Variants in NEDD4 observed in about 807,000 individuals in gnomAD.
The protein encoded by NEDD4 is NEDD4 E3 ubiquitin protein ligase, also known as E3 ubiquitin-protein ligase NEDD4.
Under a neutral mutation model 144.9 loss-of-function variants are expected in NEDD4, and 99 were observed. That is an observed-to-expected ratio of 0.68 (90% CI 0.58 to 0.81). The LOEUF (loss-of-function observed/expected upper bound fraction) is 0.81. NEDD4 is among the 30% of genes least tolerant of loss of function. The pLI, the probability that NEDD4 is intolerant of heterozygous loss-of-function variation, is 0.00. For missense variants in NEDD4, 985 were observed against 1,065.9 expected, an observed-to-expected ratio of 0.92 and a Z score of 1.06; for synonymous variants, 318 against 350.6, an observed-to-expected ratio of 0.91 and a Z score of 1.04.
Position 55,847,036 on chromosome 15 carries a change from T to C in NEDD4, c.1543-2A>G. 1 of 1,589,974 alleles carries C rather than the reference T, an allele frequency of 6.3e-7. No homozygotes were observed. Among genetic ancestry groups the C allele is most frequent in the Non-Finnish European group, 8.6e-7 (1 of 1,168,494 alleles). ...GTAATCCCTGGAGTAGGGCACTGCCTTTAGTTGGAAATTTTGGAAAAATAA... is the reference window on the plus strand; with the variant it reads ...GTAATCCCTGGAGTAGGGCACTGCCCTTAGTTGGAAATTTTGGAAAAATAA... On this transcript the variant is annotated splice_acceptor_variant, in intron 17 of 28. Coordinates refer to ENST00000435532, the MANE Select transcript of NEDD4 (RefSeq NM_006154.4). LOFTEE classifies it high-confidence loss of function.
At chr15:55,833,161 T>G (rs1446669430) in intron 26 of NEDD4, 57 bp from the exon 27 acceptor site, 2 of 1,063,270 alleles carry the variant, frequency 1.9e-6, no homozygotes, top group East Asian at 2.4e-5. Context: ...GTAAACAAAT[T>G]ATCCTGAAAC....
At chr15:55,843,887 A>C (rs540433156) in intron 18 of NEDD4, among the ~76,000 whole-genome samples, 30 of 133,786 alleles carry the variant, frequency 2.2e-4, no homozygotes, top group Non-Finnish European at 4.1e-4. Context: ...GAATAAAGGG[A>C]ATAAAAACAT....
At chr15:55,949,502 A>C (rs1295689205) in intron 4 of NEDD4, among the ~76,000 whole-genome samples, 1 of 152,184 alleles carries the variant, frequency 6.6e-6, no homozygotes, top group Non-Finnish European at 1.5e-5. Flanking sequence ...ACATGCATAC[A>C]TATGTTTATT....
chr15:55,891,580 G>A (rs571907579), intron 5 of NEDD4, among the ~76,000 whole-genome samples: 25 of 152,166 alleles, frequency 1.6e-4, no homozygotes, highest in Admixed American at 1.4e-3. Flanking sequence ...TTTGCATTTG[G>A]TATAATATAA....
intron 1 of NEDD4, among the ~76,000 whole-genome samples, chr15:55,969,295 G>C (rs1566972869): frequency 6.6e-6 from 1 of 152,050 alleles, no homozygotes; most frequent in Non-Finnish European, 1.5e-5. Flanking sequence ...CTAAGTTTGG[G>C]CAAGCCTTGC....
chr15:55,859,508 A>G (rs2034320129), intron 11 of NEDD4, among the ~76,000 whole-genome samples: 1 of 152,202 alleles, frequency 6.6e-6, no homozygotes, highest in African/African-American at 2.4e-5. Flanking sequence ...AGCCTGGCCA[A>G]CAGGGTGAAA....
rs763208413 is a variant in NEDD4, at chr15:55,834,220, G to A, written c.2322+7C>T. 8.1e-6 allele frequency: 13 copies of A among 1,608,080 alleles called. No homozygotes were observed. The highest frequency in any genetic ancestry group is 6.7e-5 in the East Asian group (3 of 44,842). ...TTTCTGTTTCAACATAAAATGTTATGTCTTACCTCTAGTTCATTTTCATCA... is the reference window on the plus strand; with the variant it reads ...TTTCTGTTTCAACATAAAATGTTATATCTTACCTCTAGTTCATTTTCATCA... On this transcript the variant is annotated splice_region_variant and intron_variant, in intron 25 of 28. Coordinates refer to ENST00000435532, the MANE Select transcript of NEDD4 (RefSeq NM_006154.4).
chr15:55,907,263 G>A (rs34552316), intron 5 of NEDD4, among the ~76,000 whole-genome samples: 6,670 of 152,004 alleles, frequency 0.044, 239 homozygotes, highest in East Asian at 0.17. Flanking sequence ...TGGCTAACAG[G>A]AATTCTAGGA....
At chr15:55,837,183 A>C (rs2033247559) in intron 24 of NEDD4, among the ~76,000 whole-genome samples, 1 of 152,200 alleles carries the variant, frequency 6.6e-6, no homozygotes, top group Admixed American at 6.5e-5. Context: ...TAACCCCAGC[A>C]CTTTGGGAGG....
chr15:55,911,649 C>T (rs565175805), intron 5 of NEDD4, among the ~76,000 whole-genome samples: 36 of 152,088 alleles, frequency 2.4e-4, no homozygotes, highest in Non-Finnish European at 4.4e-4. Context: ...CCTGCCTCAG[C>T]CTCCCGTGTA....
At chr15:55,845,732 A>G (rs1595740207) in intron 18 of NEDD4, among the ~76,000 whole-genome samples, 2 of 152,110 alleles carry the variant, frequency 1.3e-5, no homozygotes, top group African/African-American at 4.8e-5. Context: ...AAAATCCCAA[A>G]GTCTAGAAGT....
intron 5 of NEDD4, among the ~76,000 whole-genome samples, chr15:55,898,825 G>C (rs1595815501): frequency 1.3e-5 from 2 of 151,760 alleles, no homozygotes. Flanking sequence ...TTTTTAAATA[G>C]AGACAGGGGT....
chr15:55,982,793 A>G (rs117280067), intron 1 of NEDD4, among the ~76,000 whole-genome samples: 4,222 of 152,264 alleles, frequency 0.028, 99 homozygotes, highest in Non-Finnish European at 0.041. Flanking sequence ...AAAAACAAAA[A>G]CTGAGAAAGT....
At chr15:55,993,099 A>G (rs1161981981) in intron 1 of NEDD4, among the ~76,000 whole-genome samples, 1 of 152,266 alleles carries the variant, frequency 6.6e-6, no homozygotes, top group Non-Finnish European at 1.5e-5. Flanking sequence ...GGCCTCCGCC[A>G]GAGCAAGCAA....
At chr15:55,906,880 GA>G (rs2036118190) in intron 5 of NEDD4, among the ~76,000 whole-genome samples, 1 of 152,128 alleles carries the variant, frequency 6.6e-6, no homozygotes, top group African/African-American at 2.4e-5. Context: ...TGGATCACTT[GA>G]GGTCAGAGGT....
chr15:55,918,941 C>G (rs1393890374), intron 5 of NEDD4, among the ~76,000 whole-genome samples: 1 of 152,080 alleles, frequency 6.6e-6, no homozygotes, highest in Non-Finnish European at 1.5e-5. Context: ...GAATGAATCC[C>G]TTCTAATAGG....
At chr15:55,898,386 G>A (rs2035804453) in intron 5 of NEDD4, among the ~76,000 whole-genome samples, 1 of 152,150 alleles carries the variant, frequency 6.6e-6, no homozygotes, top group African/African-American at 2.4e-5. Context: ...TAGTGGGCCT[G>A]AAAACACTGT....
chr15:55,942,440 T>C (rs886500908), intron 4 of NEDD4, among the ~76,000 whole-genome samples: 5 of 152,198 alleles, frequency 3.3e-5, no homozygotes, highest in Non-Finnish European at 7.3e-5. Flanking sequence ...GGAGGCAGAC[T>C]TCCCCCTTGC....
intron 5 of NEDD4, among the ~76,000 whole-genome samples, chr15:55,919,568 T>C (rs1033701063): frequency 1.2e-4 from 19 of 152,172 alleles, no homozygotes; most frequent in Admixed American, 1.2e-3. Context: ...GAACTTGCTA[T>C]AAAATGTAGT....
Sources: gnomAD v4.1 joint callset for allele counts (sites outside exome capture counted in the v4.1 genomes callset) on GRCh38, gnomAD v4.1.1 for gene constraint, MANE v1.5 for transcripts, NCBI Gene and HGNC (gene_info 2026-07-23, HGNC 2026-07-21) for gene names.